The following SEMA6B variants were observed in gnomAD, a reference collection of about 807,000 sequenced individuals.
SEMA6B encodes semaphorin-6B.
Under a neutral mutation model 78.6 loss-of-function variants are expected in SEMA6B, and 47 were observed. That is an observed-to-expected ratio of 0.60 (90% CI 0.47 to 0.76). The LOEUF is 0.76. SEMA6B is among the 30% of genes least tolerant of loss of function. The pLI, the probability that SEMA6B is intolerant of heterozygous loss-of-function variation, is 0.00. For missense variants in SEMA6B, 1,213 were observed against 1,269.9 expected, an observed-to-expected ratio of 0.96 and a Z score of 0.68; for synonymous variants, 632 against 592.2, an observed-to-expected ratio of 1.07 and a Z score of -0.98.
At chr19:4,554,848 G>T in intron 8 of SEMA6B, 128 bp downstream of exon 8, 2 of 1,202,874 alleles carry the variant, frequency 1.7e-6, no homozygotes, top group Non-Finnish European at 2.3e-6. Flanking sequence ...AAGGCCAACA[G>T]ATTCCAAAGA....
At position 4,558,276 on chromosome 19, in the gene SEMA6B, A is replaced by G; in HGVS notation, c.121+61T>C. ...TCCCCCAGTGGGGGCAGCAGACCCAACTGGGAACCCAGATACTCCCACGGG... is the reference window on the plus strand; with the variant it reads ...TCCCCCAGTGGGGGCAGCAGACCCAGCTGGGAACCCAGATACTCCCACGGG... On this transcript the variant is annotated intron_variant, in intron 2 of 16. Transcript: ENST00000586582. This position sits in a 1 kb window ranked among gnomAD's most constrained non-coding sequence, Gnocchi z 5.1. 1.5e-6 allele frequency: 2 copies of G among 1,308,234 alleles called. No individual in the cohort carries two copies. Among genetic ancestry groups the G allele is most frequent in the Non-Finnish European group, 2.0e-6 (2 of 1,018,440 alleles). 81.0% of individuals were successfully genotyped at this position (1,308,234 alleles called of 1,614,324 possible). A position where few individuals can be genotyped will look rare whatever the true frequency, so the allele number is the denominator to read the frequency against.
Position 4,552,770 on chromosome 19 carries a change from T to A in SEMA6B, c.772-131A>T. ...CTGGCTCTGGTGGGACCCCGGCCAGTCACCGTTCCTCTCTGGGCACCGGCT... is the reference window on the plus strand; with the variant it reads ...CTGGCTCTGGTGGGACCCCGGCCAGACACCGTTCCTCTCTGGGCACCGGCT... On this transcript the variant is annotated intron_variant, in intron 9 of 16. Transcript: ENST00000586582. The surrounding 1 kb of genome is among the most constrained non-coding windows in gnomAD (Gnocchi z 7.4). 3 of 787,390 alleles carry A rather than the reference T, an allele frequency of 3.8e-6. No individual in the cohort carries two copies. Among genetic ancestry groups the A allele is most frequent in the Non-Finnish European group, 5.9e-6 (3 of 510,290 alleles). 48.8% of individuals were successfully genotyped at this position (787,390 alleles called of 1,614,324 possible). A position where few individuals can be genotyped will look rare whatever the true frequency, so the allele number is the denominator to read the frequency against.
chr19:4,553,445 T>C, intron 9 of SEMA6B, among the ~76,000 whole-genome samples: 1 of 132,824 alleles, frequency 7.5e-6, no homozygotes, highest in East Asian at 2.4e-4. Context: ...GTTGGATGGG[T>C]GAGTGGATGG....
chr19:4,556,066 CTTTACGAAG>C lies in SEMA6B; in HGVS notation c.384_392del (p.Asn128_Val130del). ...TGGACTCGTCCCGAAGGAGCAGCAC[CTTTACGAAG>C]TTTCGACACTCGCCCTGAGGTGGGG... On this transcript the variant is annotated inframe_deletion, in exon 6 of 17. Coordinates refer to ENST00000586582, the MANE Select transcript of SEMA6B (RefSeq NM_032108.4). 1.9e-6 allele frequency: 3 copies of C among 1,614,114 alleles called. No individual in the cohort carries two copies. Among genetic ancestry groups the C allele is most frequent in the Non-Finnish European group, 1.7e-6 (2 of 1,180,012 alleles).
At position 4,544,214 on chromosome 19, in the gene SEMA6B, A is replaced by G. The variant is rs1977102018; in HGVS notation, c.2054T>C (p.Met685Thr). The G allele has an allele frequency of 7.8e-7, 1 of 1,275,084 alleles. No individual in the cohort carries two copies. The highest frequency in any genetic ancestry group is 9.9e-7 in the Non-Finnish European group (1 of 1,013,348). The allele number at this position is 1,275,084 out of a possible 1,614,324, so 79.0% of individuals were successfully genotyped here. A position where few individuals can be genotyped will look rare whatever the true frequency, so the allele number is the denominator to read the frequency against. Residue 685 changes from methionine to threonine, a missense_variant, in exon 17 of 17, where the codon ATG becomes ACG. By Grantham distance (81) the Met-to-Thr change is moderately conservative. Coordinates refer to ENST00000586582, the MANE Select transcript of SEMA6B (RefSeq NM_032108.4). This position sits in a 1 kb window ranked among gnomAD's most constrained non-coding sequence, Gnocchi z 5.1. ...VPPEALLAPL[M>T]QNGWAKATLL... ...CGTGGCCTTGGCCCAGCCGTTCTGCATCAGGGGCGCCAGCAGGGCCTCCGG... is the reference window on the plus strand; with the variant it reads ...CGTGGCCTTGGCCCAGCCGTTCTGCGTCAGGGGCGCCAGCAGGGCCTCCGG...
chr19:4,546,687 G>A (rs1977177868), intron 14 of SEMA6B, among the ~76,000 whole-genome samples: 1 of 150,646 alleles, frequency 6.6e-6, no homozygotes, highest in Non-Finnish European at 1.5e-5. Context: ...TGCAGTGGCG[G>A]GATTTTGGTT....
In SEMA6B at chr19:4,554,428, A is replaced by C; in HGVS notation, c.731T>G (p.Phe244Cys). 1 of 1,614,010 alleles carries C rather than the reference A, an allele frequency of 6.2e-7. No individual in the cohort carries two copies. The highest frequency in any genetic ancestry group is 8.5e-7 in the Non-Finnish European group (1 of 1,179,982). The change falls in exon 9 of 17, where the codon TTC (phenylalanine) becomes TGC (cysteine). Residue 244 changes from phenylalanine to cysteine, a missense_variant. Physicochemically the swap from Phe to Cys is radical, Grantham distance 205. Coordinates refer to ENST00000586582, the MANE Select transcript of SEMA6B (RefSeq NM_032108.4). ...AAACTCCATCGCAATCTCCCGGAAGAAGAAGTAGACATGGCTGCCCCACTC... is the reference window on the plus strand; with the variant it reads ...AAACTCCATCGCAATCTCCCGGAAGCAGAAGTAGACATGGCTGCCCCACTC... ...AVEWGSHVYF[F>C]FREIAMEFNY... is the part of the protein sequence containing the mutation.
At chr19:4,548,905 G>A (rs144989128) in intron 12 of SEMA6B, among the ~76,000 whole-genome samples, 1,784 of 152,136 alleles carry the variant, frequency 0.012, 41 homozygotes, top group African/African-American at 0.041. Context: ...GCTCGATCTC[G>A]CCTCCTGGGT....
In SEMA6B at chr19:4,548,339, G is replaced by T. The variant is rs751649729; in HGVS notation, c.1378C>A (p.Arg460=). The T allele has an allele frequency of 6.2e-7, 1 of 1,613,780 alleles. No individual in the cohort carries two copies. The highest frequency in any genetic ancestry group is 1.3e-5 in the African/African-American group (1 of 74,914). ...EAGTVLKFLV[R]PNASTSGTSG... ...GTCCCTGAGGTGCTGGCATTGGGCCGGACGAGGAACTTGAGGACCGTCCCC... is the reference window on the plus strand; with the variant it reads ...GTCCCTGAGGTGCTGGCATTGGGCCTGACGAGGAACTTGAGGACCGTCCCC... The change falls in exon 13 of 17, where the codon CGG becomes AGG. Residue 460 remains arginine (R), a synonymous_variant. Coordinates refer to ENST00000586582, the MANE Select transcript of SEMA6B (RefSeq NM_032108.4).
chr19:4,559,379 G>A (rs942005090), intron 1 of SEMA6B, among the ~76,000 whole-genome samples, 151 bp downstream of exon 1: 1 of 152,064 alleles, frequency 6.6e-6, no homozygotes, highest in Non-Finnish European at 1.5e-5. Flanking sequence ...ACGGGGGACT[G>A]CTTCCCACTC....
Position 4,544,638 on chromosome 19 carries a change from TA to T in SEMA6B, c.1739-110del. 2.9e-5 allele frequency: 17 copies of T among 592,226 alleles called. No homozygotes were observed. The South Asian group carries it at 4.4e-4, about 15-fold the overall frequency. The allele number at this position is 592,226 out of a possible 1,614,324, so 36.7% of individuals were successfully genotyped here. A position where few individuals can be genotyped will look rare whatever the true frequency, so the allele number is the denominator to read the frequency against. On this transcript the variant is annotated intron_variant, in intron 16 of 16. Transcript: ENST00000586582. This position sits in a 1 kb window ranked among gnomAD's most constrained non-coding sequence, Gnocchi z 5.1. ...CTTTTTTATTATTTTTATTTTTTTT[TA>T]TTTATTTATTTTTTGAGAAGGAGTC...
Position 4,556,033 on chromosome 19 carries a change from A to G in SEMA6B, c.426T>C (p.Phe142=), listed in dbSNP as rs746733754. The change falls in exon 6 of 17, where the codon TTT becomes TTC. Residue 142 remains phenylalanine (F), a synonymous_variant. Transcript: ENST00000586582. ...VLLLRDESTL[F]VCGSNAFNPV... is the part of the protein sequence containing the mutation. ...GGTTGAAGGCGTTGGAACCGCACACAAAGAGCGTGGACTCGTCCCGAAGGA... is the reference window on the plus strand; with the variant it reads ...GGTTGAAGGCGTTGGAACCGCACACGAAGAGCGTGGACTCGTCCCGAAGGA... 4.3e-6 allele frequency: 7 copies of G among 1,614,044 alleles called. No homozygotes were observed. In the African/African-American group the frequency reaches 9.3e-5, roughly 22 times the overall value.
rs559448386 is a variant in SEMA6B, at chr19:4,554,479, G to A, written c.683-3C>T. On this transcript the variant is annotated splice_polypyrimidine_tract_variant and splice_region_variant and intron_variant, in intron 8 of 16. Transcript: ENST00000586582. Reference sequence around the variant, plus strand: ...CACCGCATGGACAAAGTAAGGCTCTGCAGGACAGGAGGGGTCAGAACTCAG... The same window carrying A: ...CACCGCATGGACAAAGTAAGGCTCTACAGGACAGGAGGGGTCAGAACTCAG... 1.9e-6 allele frequency: 3 copies of A among 1,612,752 alleles called. No individual in the cohort carries two copies. In the African/African-American group the frequency reaches 4.0e-5, roughly 21 times the overall value.
Position 4,550,086 on chromosome 19 carries a change from G to A in SEMA6B, c.1271+37C>T. On this transcript the variant is annotated intron_variant, in intron 12 of 16. Coordinates refer to ENST00000586582, the MANE Select transcript of SEMA6B (RefSeq NM_032108.4). The surrounding 1 kb of genome is among the most constrained non-coding windows in gnomAD (Gnocchi z 6.6). ...TCTCACCCTCCATCTACCCCATCCTGTCTCCCCTCGCCATGCCCTGCCTCT... is the reference window on the plus strand; with the variant it reads ...TCTCACCCTCCATCTACCCCATCCTATCTCCCCTCGCCATGCCCTGCCTCT... 6.2e-7 allele frequency: 1 copy of A among 1,607,174 alleles called. No individual in the cohort carries two copies. Among genetic ancestry groups the A allele is most frequent in the East Asian group, 2.2e-5 (1 of 44,794 alleles).
At position 4,552,460 on chromosome 19, in the gene SEMA6B, C is replaced by T. The variant is rs751583522; in HGVS notation, c.951G>A (p.Arg317=). The T allele has an allele frequency of 5.6e-6, 9 of 1,604,742 alleles. No homozygotes were observed. In the South Asian group the frequency reaches 8.9e-5, roughly 16 times the overall value. The change falls in exon 10 of 17, where the codon CGG becomes CGA. Residue 317 remains arginine, a synonymous_variant. Transcript: ENST00000586582. This position sits in a 1 kb window ranked among gnomAD's most constrained non-coding sequence, Gnocchi z 7.4. The stretch of plus-strand genomic sequence containing the variant: ...TGGAAAAAACGGCCAGGACCACGGG[C>T]CGGCCCCCGAGGCTGACCACGCCCG... ...AVTGVVSLGG[R]PVVLAVFSTP...
chr19:4,546,564 G>A, intron 14 of SEMA6B, 95 bp from the exon 15 acceptor site: 1 of 570,150 alleles, frequency 1.8e-6, no homozygotes, highest in Non-Finnish European at 2.7e-6. Flanking sequence ...CCAAGCACCT[G>A]CCTCTTTATT....
intron 14 of SEMA6B, 69 bp from the exon 15 acceptor site, chr19:4,546,538 A>AC (rs1977173508): frequency 9.3e-7 from 1 of 1,073,068 alleles, no homozygotes; most frequent in African/African-American, 1.6e-5. Flanking sequence ...GGTGATGGTG[A>AC]CCTGTGGGCC....
At chr19:4,546,961 A>ATTAAT (rs1977184922) in intron 14 of SEMA6B, among the ~76,000 whole-genome samples, 1 of 148,418 alleles carries the variant, frequency 6.7e-6, no homozygotes, top group South Asian at 2.1e-4. Flanking sequence ...TTAAAATTTA[A>ATTAAT]TTTTTTTTTT....
chr19:4,544,227 G>C lies in SEMA6B; in HGVS notation c.2041C>G (p.Leu681Val). ...GGAGVPPEAL[L>V]APLMQNGWAK... ...CAGCCGTTCTGCATCAGGGGCGCCA[G>C]CAGGGCCTCCGGGGGAACCCCGGCG... is the stretch of plus-strand genomic sequence containing the variant. Residue 681 changes from leucine (L) to valine (V), a missense_variant, in exon 17 of 17, where the codon CTG (leucine) becomes GTG (valine). By Grantham distance (32) the Leu-to-Val change is conservative. Coordinates refer to ENST00000586582, the MANE Select transcript of SEMA6B (RefSeq NM_032108.4). This position sits in a 1 kb window ranked among gnomAD's most constrained non-coding sequence, Gnocchi z 5.1. 1 of 1,274,324 alleles carries C rather than the reference G, an allele frequency of 7.8e-7. No homozygotes were observed. The highest frequency in any genetic ancestry group is 9.9e-7 in the Non-Finnish European group (1 of 1,013,144). 78.9% of individuals were successfully genotyped at this position (1,274,324 alleles called of 1,614,324 possible). A position where few individuals can be genotyped will look rare whatever the true frequency, so the allele number is the denominator to read the frequency against.
Sources: allele counts gnomAD v4.1 joint callset (sites outside exome capture counted in the v4.1 genomes callset), GRCh38; gene constraint gnomAD v4.1.1; non-coding constraint Gnocchi (gnomAD v3.1); transcripts MANE v1.5; gene names NCBI Gene and HGNC (gene_info 2026-07-23, HGNC 2026-07-21).